The following DNAJC8 variants were observed in gnomAD, a reference collection of about 807,000 sequenced individuals.
DNAJC8 encodes the protein DnaJ heat shock protein family (Hsp40) member C8.
A neutral mutation model predicts 43.2 loss-of-function variants in DNAJC8; 24 were observed. The observed-to-expected ratio is 0.56, with a 90% CI of 0.40 to 0.78. The LOEUF (loss-of-function observed/expected upper bound fraction) is 0.78, where lower values mean the gene tolerates loss of function less well. Ranked by LOEUF, DNAJC8 falls within the 30% of genes least tolerant of loss-of-function variation. DNAJC8 has a pLI of 0.00. For missense variants in DNAJC8, 207 were observed against 299.4 expected (o/e 0.69, Z 2.28); for synonymous variants, 83 against 98.0 (o/e 0.85, Z 0.90).
intron 2 of DNAJC8, among the ~76,000 whole-genome samples, chr1:28,219,089 A>G (rs1369147436): frequency 6.6e-6 from 1 of 152,226 alleles, no homozygotes; most frequent in Non-Finnish European, 1.5e-5. Flanking sequence ...AATGTAATTC[A>G]TAAACCCTGG....
chr1:28,212,471 G>T (rs1004031642), intron 3 of DNAJC8, among the ~76,000 whole-genome samples: 3 of 150,364 alleles, frequency 2.0e-5, no homozygotes, highest in African/African-American at 7.3e-5. Flanking sequence ...TTGTAGAGAC[G>T]GGGTTTCACC....
rs147760664 is a variant in DNAJC8, at chr1:28,231,070, A to G, written c.78+1851T>C. Among the ~76,000 whole-genome samples, 920 of 152,266 alleles carry G rather than the reference A, an allele frequency of 6.0e-3. 8 individuals carry two copies. Among genetic ancestry groups the G allele is most frequent in the African/African-American group, 0.02 (814 of 41,566 alleles). On this transcript the variant is annotated intron_variant, in intron 1 of 8. Coordinates refer to ENST00000263697, the MANE Select transcript of DNAJC8 (RefSeq NM_014280.3). ...AACTTTAGTCCTCATGAAAATGTTT[A>G]TTTTAAAATTAACTCTCTTGCCAAG...
chr1:28,216,912 G>A (rs553695417), intron 2 of DNAJC8, among the ~76,000 whole-genome samples: 4 of 150,868 alleles, frequency 2.7e-5, no homozygotes, highest in South Asian at 2.1e-4. Context: ...AGGTTCAAGC[G>A]ATTCTCCTGC....
Position 28,214,997 on chromosome 1 carries a change from C to G in DNAJC8, c.181-1G>C. ...TAACTTCAGGATCTATCTGAAGAAC[C>G]TGGAAGTATCAAAATCAAAACCATA... On this transcript the variant is annotated splice_acceptor_variant, in intron 2 of 8. Transcript: ENST00000263697. LOFTEE classifies it high-confidence loss of function. 1 of 1,601,734 alleles carries G rather than the reference C, an allele frequency of 6.2e-7. No individual in the cohort carries two copies. The highest frequency in any genetic ancestry group is 8.5e-7 in the Non-Finnish European group (1 of 1,175,228).
At chr1:28,219,527 A>C (rs891837151) in intron 2 of DNAJC8, among the ~76,000 whole-genome samples, 1 of 152,086 alleles carries the variant, frequency 6.6e-6, no homozygotes, top group Non-Finnish European at 1.5e-5. Flanking sequence ...AATAAATTAA[A>C]CTAAAATAGC....
At chr1:28,212,176 T>TAC (rs1646816819) in intron 3 of DNAJC8, among the ~76,000 whole-genome samples, 1 of 26,274 alleles carries the variant, frequency 3.8e-5, no homozygotes, top group African/African-American at 1.9e-4. Context: ...TAAATATATA[T>TAC]ATATATATAT....
At chr1:28,226,498 CA>C (rs201620731) in intron 2 of DNAJC8, among the ~76,000 whole-genome samples, 12 of 143,638 alleles carry the variant, frequency 8.4e-5, no homozygotes, top group African/African-American at 1.3e-4. Flanking sequence ...GACTCCATCT[CA>C]AAAAAAAAAA....
At chr1:28,229,123 G>T in intron 1 of DNAJC8, 100 bp from the exon 2 acceptor site, 2 of 1,004,366 alleles carry the variant, frequency 2.0e-6, no homozygotes, top group Non-Finnish European at 3.0e-6. Context: ...ACATTTATTT[G>T]TGTGTTTACC....
In DNAJC8 at chr1:28,230,862, C is replaced by T. The variant is rs145771344; in HGVS notation, c.79-1839G>A. Among the ~76,000 whole-genome samples the T allele has an allele frequency of 8.4e-3, 1,276 of 152,276 alleles. 13 individuals carry two copies. The highest frequency in any genetic ancestry group is 0.027 in the Middle Eastern group (8 of 294). Reference sequence around the variant, plus strand: ...AACTACTATGTAACAAGTACTGTTACAATTGCAAGAAATAAAAGATGGATG... The same window carrying T: ...AACTACTATGTAACAAGTACTGTTATAATTGCAAGAAATAAAAGATGGATG... On this transcript the variant is annotated intron_variant, in intron 1 of 8. Transcript: ENST00000263697.
chr1:28,208,072 G>C (rs1256786915), intron 6 of DNAJC8, among the ~76,000 whole-genome samples: 2 of 152,102 alleles, frequency 1.3e-5, no homozygotes, highest in Non-Finnish European at 2.9e-5. Flanking sequence ...CGGGCATGGT[G>C]GTACATGCTG....
In DNAJC8 at chr1:28,210,648, A is replaced by T. The variant is rs762360685; in HGVS notation, c.238-11T>A. On this transcript the variant is annotated splice_polypyrimidine_tract_variant and intron_variant, in intron 3 of 8. Coordinates refer to ENST00000263697, the MANE Select transcript of DNAJC8 (RefSeq NM_014280.3). ...CACCAAGATGGATAACTACAATAAG[A>T]GAAAAGTTGGGGTTGTCAATAAGGG... 15 of 1,612,656 alleles carry T rather than the reference A, an allele frequency of 9.3e-6. No individual in the cohort carries two copies. In the Admixed American group the frequency reaches 2.2e-4, roughly 23 times the overall value.
chr1:28,212,890 T>G (rs1478672611), intron 3 of DNAJC8, among the ~76,000 whole-genome samples: 1 of 152,196 alleles, frequency 6.6e-6, no homozygotes, highest in Admixed American at 6.5e-5. Flanking sequence ...GATAATACTA[T>G]GTACCTATAT....
At chr1:28,209,366 G>A (rs1230298026) in intron 5 of DNAJC8, among the ~76,000 whole-genome samples, 1 of 152,076 alleles carries the variant, frequency 6.6e-6, no homozygotes, top group African/African-American at 2.4e-5. Flanking sequence ...TCTTGCCCCA[G>A]CAAGTAAAAA....
At chr1:28,224,841 G>A (rs1034289821) in intron 2 of DNAJC8, among the ~76,000 whole-genome samples, 4 of 152,068 alleles carry the variant, frequency 2.6e-5, no homozygotes, top group South Asian at 2.1e-4. Context: ...CCGATATTGC[G>A]CCACTGCACT....
intron 2 of DNAJC8, among the ~76,000 whole-genome samples, chr1:28,227,658 T>A (rs545598848): frequency 2.0e-5 from 3 of 151,920 alleles, no homozygotes; most frequent in Admixed American, 6.6e-5. Flanking sequence ...TGTAATCCCA[T>A]CTACTCCAGA....
rs558947398 is a variant in DNAJC8 at position 28,224,816 on chromosome 1, G to A, written c.180+4106C>T. On this transcript the variant is annotated intron_variant, in intron 2 of 8. Coordinates refer to ENST00000263697, the MANE Select transcript of DNAJC8 (RefSeq NM_014280.3). ...GGAGAATCACTTGAACCCGTGAGGC[G>A]GAGGTTGCAGTGAACCGATATTGCG... Among the ~76,000 whole-genome samples the A allele has an allele frequency of 4.6e-5, 7 of 152,162 alleles. 1 individual carries two copies. Among genetic ancestry groups the A allele is most frequent in the African/African-American group, 9.6e-5 (4 of 41,514 alleles).
intron 2 of DNAJC8, among the ~76,000 whole-genome samples, chr1:28,226,459 C>T (rs771378593): frequency 7.9e-5 from 11 of 138,998 alleles, no homozygotes; most frequent in African/African-American, 2.9e-4. Context: ...GCCGAGATTG[C>T]GCCACTGCAC....
Position 28,233,025 on chromosome 1 carries a change from C to G in DNAJC8, c.-27G>C, listed in dbSNP as rs763815168. 3.1e-6 allele frequency: 5 copies of G among 1,609,044 alleles called. No individual in the cohort carries two copies. Among genetic ancestry groups the G allele is most frequent in the Non-Finnish European group, 1.7e-6 (2 of 1,179,802 alleles). ...TCCCCGGCCCAGCCACCACGTGACC[C>G]TTCTGCGCAGGCGTCGCCTCACGTG... On this transcript the variant is annotated 5_prime_UTR_variant, in exon 1 of 9. Coordinates refer to ENST00000263697, the MANE Select transcript of DNAJC8 (RefSeq NM_014280.3).
chr1:28,216,989 G>A (rs1646860170), intron 2 of DNAJC8, among the ~76,000 whole-genome samples: 1 of 151,798 alleles, frequency 6.6e-6, no homozygotes, highest in Non-Finnish European at 1.5e-5. Flanking sequence ...TGTATTTTTA[G>A]TAGAGATGGG....
Sources: allele counts gnomAD v4.1 joint callset (sites outside exome capture counted in the v4.1 genomes callset), GRCh38; gene constraint gnomAD v4.1.1; transcripts MANE v1.5; gene names NCBI Gene and HGNC (gene_info 2026-07-23, HGNC 2026-07-21).